Variants in SEMA5A observed in about 807,000 individuals in gnomAD.
SEMA5A encodes the protein semaphorin 5A, also known as semaphorin-5A.
Under a neutral mutation model 135.5 loss-of-function variants are expected in SEMA5A, and 55 were observed. That is an observed-to-expected ratio of 0.41 (90% CI 0.33 to 0.51). SEMA5A has a LOEUF of 0.51. Among genes scored for constraint, SEMA5A ranks in the 20% least tolerant of loss-of-function variants. The pLI is 0.37. For missense variants in SEMA5A, 1,290 were observed against 1,419.9 expected, an observed-to-expected ratio of 0.91 and a Z score of 1.47; for synonymous variants, 580 against 546.5, an observed-to-expected ratio of 1.06 and a Z score of -0.85.
At chr5:9,530,791 G>A (rs1319189097) in intron 1 of SEMA5A, among the ~76,000 whole-genome samples, 3 of 152,150 alleles carry the variant, frequency 2.0e-5, no homozygotes, top group African/African-American at 7.2e-5. Context: ...ATCTTGACTT[G>A]CACAATGGAA....
intron 4 of SEMA5A, among the ~76,000 whole-genome samples, chr5:9,320,959 G>C (rs1443707807): frequency 2.0e-5 from 3 of 152,142 alleles, no homozygotes; most frequent in African/African-American, 7.2e-5. Flanking sequence ...TAGTTTGGCT[G>C]TGTCCCCACC....
intron 11 of SEMA5A, among the ~76,000 whole-genome samples, chr5:9,183,301 T>G (rs1302091210): frequency 1.3e-5 from 2 of 152,146 alleles, no homozygotes; most frequent in Non-Finnish European, 2.9e-5. Context: ...AATTCACCAG[T>G]TGCGTTCTGC....
intron 3 of SEMA5A, among the ~76,000 whole-genome samples, chr5:9,374,304 G>A (rs1216753829): frequency 2.6e-5 from 4 of 152,062 alleles, no homozygotes; most frequent in Non-Finnish European, 5.9e-5. Context: ...TGCCTAGCCA[G>A]GTAAATCAGA....
intron 10 of SEMA5A, among the ~76,000 whole-genome samples, chr5:9,196,779 T>C (rs1745409892): frequency 6.6e-6 from 1 of 152,200 alleles, no homozygotes; most frequent in Admixed American, 6.5e-5. Flanking sequence ...CTAATCCTGT[T>C]TGTGTGTCTC....
intron 5 of SEMA5A, among the ~76,000 whole-genome samples, chr5:9,298,849 C>T (rs1010973823): frequency 1.3e-5 from 2 of 152,160 alleles, no homozygotes; most frequent in African/African-American, 4.8e-5. Context: ...TAAAATACCC[C>T]ATTGTTATAA....
chr5:9,127,456 T>C (rs949189756), intron 13 of SEMA5A, among the ~76,000 whole-genome samples: 2 of 152,190 alleles, frequency 1.3e-5, no homozygotes, highest in Non-Finnish European at 2.9e-5. Context: ...ACTTTCCCTA[T>C]GGCTCATAAG....
At chr5:9,219,348 G>T (rs1275125250) in intron 8 of SEMA5A, among the ~76,000 whole-genome samples, 1 of 152,158 alleles carries the variant, frequency 6.6e-6, no homozygotes, top group African/African-American at 2.4e-5. Flanking sequence ...GGAAGGAGTT[G>T]GCTGAGATTT....
intron 11 of SEMA5A, among the ~76,000 whole-genome samples, chr5:9,181,715 A>G (rs1273276383): frequency 6.6e-6 from 1 of 152,198 alleles, no homozygotes; most frequent in Non-Finnish European, 1.5e-5. Context: ...GGGATGCGAC[A>G]GTGAGTATGT....
At chr5:9,304,992 T>G (rs752545595) in intron 5 of SEMA5A, among the ~76,000 whole-genome samples, 2 of 152,166 alleles carry the variant, frequency 1.3e-5, no homozygotes, top group Non-Finnish European at 2.9e-5. Flanking sequence ...CCATTATTGA[T>G]ATCCTCCTGG....
chr5:9,250,442 C>T (rs957654358), intron 5 of SEMA5A, among the ~76,000 whole-genome samples: 4 of 152,106 alleles, frequency 2.6e-5, no homozygotes, highest in African/African-American at 4.8e-5. Flanking sequence ...ACTACCTATA[C>T]GATCCTGTTT....
rs1505067 is a variant in SEMA5A, at chr5:9,036,678, C to T, written c.*6219G>A. The T allele has an allele frequency of 0.62, 95,195 of 152,424 alleles. 30,661 individuals carry two copies. The highest frequency in any genetic ancestry group is 0.93 in the East Asian group (4,804 of 5,174). The allele number at this position is 152,424 out of a possible 1,614,324, so 9.4% of individuals were successfully genotyped here. ...ACATCCCCAGTGAGGGCAAAAATCA[C>T]ATCTGAAGATGATGTGCTTCTTGGT... is the stretch of plus-strand genomic sequence containing the variant. On this transcript the variant is annotated 3_prime_UTR_variant, in exon 23 of 23. Coordinates refer to ENST00000382496, the MANE Select transcript of SEMA5A (RefSeq NM_003966.3).
rs576093061 is a variant in SEMA5A, at chr5:9,082,358, T to C, written c.2074-15712A>G. On this transcript the variant is annotated intron_variant, in intron 16 of 22. Transcript: ENST00000382496. ...CTAAAATATCCACCTCCTTTAACAC[T>C]GTTGGTAGGTAACTGAGTTTCCAGT... is the stretch of plus-strand genomic sequence containing the variant. 3.3e-5 allele frequency among the ~76,000 whole-genome samples: 5 copies of C among 152,292 alleles called. No individual in the cohort carries two copies. The South Asian group carries it at 1.0e-3, about 32-fold the overall frequency.
In SEMA5A at chr5:9,315,434, A is replaced by G. The variant is rs74484502; in HGVS notation, c.270+2938T>C. Reference sequence around the variant, plus strand: ...AATACATTTCTACTATCTTATCCAGACATTTGAATTTCTCCAGTTGTCCAA... The same window carrying G: ...AATACATTTCTACTATCTTATCCAGGCATTTGAATTTCTCCAGTTGTCCAA... On this transcript the variant is annotated intron_variant, in intron 5 of 22. Coordinates refer to ENST00000382496, the MANE Select transcript of SEMA5A (RefSeq NM_003966.3). Among the ~76,000 whole-genome samples, 40 of 152,302 alleles carry G rather than the reference A, an allele frequency of 2.6e-4. No homozygotes were observed. The East Asian group carries it at 7.5e-3, about 29-fold the overall frequency.
chr5:9,433,657 T>C (rs1391141975), intron 2 of SEMA5A, among the ~76,000 whole-genome samples: 1 of 145,194 alleles, frequency 6.9e-6, no homozygotes, highest in Non-Finnish European at 1.5e-5. Context: ...TAATGGCTAA[T>C]TATTGCTTGA....
At chr5:9,501,437 A>G (rs1735594314) in intron 1 of SEMA5A, among the ~76,000 whole-genome samples, 1 of 152,244 alleles carries the variant, frequency 6.6e-6, no homozygotes, top group Admixed American at 6.5e-5. Context: ...TATACATATA[A>G]AAACATACAC....
At chr5:9,134,818 C>T (rs1741641303) in intron 13 of SEMA5A, among the ~76,000 whole-genome samples, 1 of 152,172 alleles carries the variant, frequency 6.6e-6, no homozygotes, top group Non-Finnish European at 1.5e-5. Flanking sequence ...TTTGGAACCA[C>T]ATTTCAGGTA....
chr5:9,451,738 C>T (rs1430338069), intron 1 of SEMA5A, among the ~76,000 whole-genome samples: 1 of 152,164 alleles, frequency 6.6e-6, no homozygotes, highest in African/African-American at 2.4e-5. Flanking sequence ...TCACAACCTC[C>T]CTGAAATAAA....
Position 9,036,693 on chromosome 5 carries a change from T to A in SEMA5A, c.*6204A>T, listed in dbSNP as rs1381124391. Reference sequence around the variant, plus strand: ...GCAAAAATCACATCTGAAGATGATGTGCTTCTTGGTCATTTTCTATTCCTG... The same window carrying A: ...GCAAAAATCACATCTGAAGATGATGAGCTTCTTGGTCATTTTCTATTCCTG... On this transcript the variant is annotated 3_prime_UTR_variant, in exon 23 of 23. Transcript: ENST00000382496. 1 of 152,638 alleles carries A rather than the reference T, an allele frequency of 6.6e-6. No individual in the cohort carries two copies. Among genetic ancestry groups the A allele is most frequent in the Non-Finnish European group, 1.5e-5 (1 of 68,044 alleles). 9.5% of individuals were successfully genotyped at this position (152,638 alleles called of 1,614,324 possible).
intron 5 of SEMA5A, among the ~76,000 whole-genome samples, chr5:9,275,358 A>C (rs1316645017): frequency 6.6e-6 from 1 of 152,182 alleles, no homozygotes; most frequent in Non-Finnish European, 1.5e-5. Flanking sequence ...CCAACCAAAA[A>C]AAGTCCGGGA....
Sources: allele counts gnomAD v4.1 joint callset (sites outside exome capture counted in the v4.1 genomes callset), GRCh38; gene constraint gnomAD v4.1.1; transcripts MANE v1.5; gene names NCBI Gene and HGNC (gene_info 2026-07-23, HGNC 2026-07-21).